Variants in LRRC52 observed in about 807,000 individuals in gnomAD.
LRRC52 encodes the protein leucine rich repeat containing 52.
A neutral mutation model predicts 14.7 loss-of-function variants in LRRC52; 15 were observed. That is an observed-to-expected ratio of 1.02 (90% CI 0.68 to 1.58). The LOEUF is 1.58. LRRC52 is among the 40% of genes most tolerant of loss of function. The pLI is 0.00. For missense variants in LRRC52, 400 were observed against 387.7 expected (o/e 1.03, Z -0.27); for synonymous variants, 180 against 163.9 (o/e 1.10, Z -0.75).
chr1:165,552,480 TAAG>T (rs1368115097), intron 1 of LRRC52, among the ~76,000 whole-genome samples: 1 of 152,142 alleles, frequency 6.6e-6, no homozygotes, highest in African/African-American at 2.4e-5. Context: ...CAATATATCC[TAAG>T]AAGTCTTGGG....
rs377227058 is a variant in LRRC52 at position 165,563,860 on chromosome 1, G to T, written c.*36G>T. On this transcript the variant is annotated 3_prime_UTR_variant, in exon 2 of 2. Transcript: ENST00000294818. ...CCACTATCTTATGTGCCTCCCCCAG[G>T]CTCCCTGCTTTCTCTCTTGCCCTCC... is the stretch of plus-strand genomic sequence containing the variant. 2.9e-4 allele frequency: 456 copies of T among 1,589,358 alleles called. No individual in the cohort carries two copies. Among genetic ancestry groups the T allele is most frequent in the Non-Finnish European group, 3.5e-4 (411 of 1,164,760 alleles).
intron 1 of LRRC52, among the ~76,000 whole-genome samples, chr1:165,550,613 C>A (rs285433): frequency 0.93 from 141,713 of 152,262 alleles, 66,253 homozygotes; most frequent in East Asian, 1. Context: ...ATCCTGACAT[C>A]CAAGTTCAAT....
In LRRC52 at chr1:165,544,214, GC is replaced by G; in HGVS notation, c.-79del. The G allele has an allele frequency of 4.9e-6, 2 of 404,272 alleles. 1 individual carries two copies. The highest frequency in any genetic ancestry group is 9.1e-6 in the Non-Finnish European group (2 of 219,430). 25.0% of individuals were successfully genotyped at this position (404,272 alleles called of 1,614,324 possible). A position where few individuals can be genotyped will look rare whatever the true frequency, so the allele number is the denominator to read the frequency against. ...CAGTTCTTTCCAGAGCCCCTCCCCC[GC>G]CCCACCCCCCCACCGGCAGCCTTCG... is the stretch of plus-strand genomic sequence containing the variant. On this transcript the variant is annotated 5_prime_UTR_variant, in exon 1 of 2. Transcript: ENST00000294818.
In LRRC52 at chr1:165,544,716, G is replaced by A. The variant is rs377558727; in HGVS notation, c.420G>A (p.Ser140=). The A allele has an allele frequency of 9.3e-6, 15 of 1,613,680 alleles. No homozygotes were observed. Among genetic ancestry groups the A allele is most frequent in the African/African-American group, 1.3e-5 (1 of 74,752 alleles). The change falls in exon 1 of 2, where the codon TCG becomes TCA. Residue 140 remains serine (S), a synonymous_variant. Coordinates refer to ENST00000294818, the MANE Select transcript of LRRC52 (RefSeq NM_001005214.4). ...TTGCCAACAACCCTCACCTGTTATCGCTTCACAAGTTCACCTTTGCCAACA... is the reference window on the plus strand; with the variant it reads ...TTGCCAACAACCCTCACCTGTTATCACTTCACAAGTTCACCTTTGCCAACA... ...LNIANNPHLL[S]LHKFTFANTT... is the part of the protein sequence containing the mutation.
chr1:165,561,610 G>T (rs1272817439), intron 1 of LRRC52, among the ~76,000 whole-genome samples: 1 of 152,210 alleles, frequency 6.6e-6, no homozygotes, highest in Non-Finnish European at 1.5e-5. Context: ...CTCTGGTGGG[G>T]CAGGTTTGCC....
rs574277215 is a variant in LRRC52 at position 165,562,207 on chromosome 1, A to G, written c.623-1298A>G. On this transcript the variant is annotated intron_variant, in intron 1 of 1. Coordinates refer to ENST00000294818, the MANE Select transcript of LRRC52 (RefSeq NM_001005214.4). ...GGATCTCCTGAATCTCAGTTTCCTT[A>G]TTTGTAAGACAAGGAAAATAATATT... Among the ~76,000 whole-genome samples, 6 of 152,308 alleles carry G rather than the reference A, an allele frequency of 3.9e-5. No homozygotes were observed. In the South Asian group the frequency reaches 6.2e-4, roughly 16 times the overall value.
intron 1 of LRRC52, among the ~76,000 whole-genome samples, chr1:165,554,207 C>T (rs918613830): frequency 6.6e-6 from 1 of 152,076 alleles, no homozygotes; most frequent in Non-Finnish European, 1.5e-5. Context: ...TGCTAGCTGT[C>T]GTTGTTGTTA....
At chr1:165,545,514 G>A (rs1661003041) in intron 1 of LRRC52, among the ~76,000 whole-genome samples, 2 of 152,272 alleles carry the variant, frequency 1.3e-5, no homozygotes, top group Middle Eastern at 6.8e-3. Context: ...TAGCTGCTTT[G>A]TTTTGAAGAT....
intron 1 of LRRC52, among the ~76,000 whole-genome samples, chr1:165,551,921 CA>C (rs1429312184): frequency 6.7e-6 from 1 of 149,956 alleles, no homozygotes; most frequent in East Asian, 2.0e-4. Flanking sequence ...ATTCCACTAT[CA>C]ATGCTTACCC....
In LRRC52 at chr1:165,544,213, C is replaced by CCCCCCCCCCCCCCACCCGCA; in HGVS notation, c.-84_-83insCCCCCCCCCCCCCACCCGCA. 1 of 1,159,444 alleles carries CCCCCCCCCCCCCCACCCGCA rather than the reference C, an allele frequency of 8.6e-7. No individual in the cohort carries two copies. Among genetic ancestry groups the CCCCCCCCCCCCCCACCCGCA allele is most frequent in the Non-Finnish European group, 1.2e-6 (1 of 836,796 alleles). 71.8% of individuals were successfully genotyped at this position (1,159,444 alleles called of 1,614,324 possible). A position where few individuals can be genotyped will look rare whatever the true frequency, so the allele number is the denominator to read the frequency against. ...ACAGTTCTTTCCAGAGCCCCTCCCC[C>CCCCCCCCCCCCCCACCCGCA]GCCCCACCCCCCCACCGGCAGCCTT... On this transcript the variant is annotated 5_prime_UTR_variant, in exon 1 of 2. Transcript: ENST00000294818.
intron 1 of LRRC52, among the ~76,000 whole-genome samples, chr1:165,547,454 T>A (rs1181618417): frequency 6.6e-6 from 1 of 152,168 alleles, no homozygotes; most frequent in African/African-American, 2.4e-5. Flanking sequence ...ATGCCTGTAC[T>A]TCCCTTGCAA....
At position 165,544,296 on chromosome 1, in the gene LRRC52, T is replaced by C. The variant is rs1660965896; in HGVS notation, c.-1T>C. ...AAGGAGGGTGGTTGTGGCTTCTTAC[T>C]ATGTCCCTTGCTTCAGGCCCTGGCC... is the stretch of plus-strand genomic sequence containing the variant. On this transcript the variant is annotated 5_prime_UTR_variant, in exon 1 of 2. Coordinates refer to ENST00000294818, the MANE Select transcript of LRRC52 (RefSeq NM_001005214.4). The C allele has an allele frequency of 6.6e-7, 1 of 1,522,842 alleles. No homozygotes were observed. The highest frequency in any genetic ancestry group is 8.9e-7 in the Non-Finnish European group (1 of 1,120,986). The allele number at this position is 1,522,842 out of a possible 1,614,324, so 94.3% of individuals were successfully genotyped here.
Position 165,563,692 on chromosome 1 carries a change from T to G in LRRC52, c.810T>G (p.Ala270=), listed in dbSNP as rs1396980170. The G allele has an allele frequency of 6.2e-7, 1 of 1,614,146 alleles. No homozygotes were observed. Among genetic ancestry groups the G allele is most frequent in the Non-Finnish European group, 8.5e-7 (1 of 1,180,026 alleles). ...TVAAWLTGVC[A]VLYQNTRHKS... is the part of the protein sequence containing the mutation. Reference sequence around the variant, plus strand: ...CTGCCTGGCTCACAGGTGTGTGTGCTGTGCTCTACCAGAACACCCGCCACA... The same window carrying G: ...CTGCCTGGCTCACAGGTGTGTGTGCGGTGCTCTACCAGAACACCCGCCACA... Residue 270 remains alanine, a synonymous_variant, in exon 2 of 2, where the codon GCT becomes GCG. Coordinates refer to ENST00000294818, the MANE Select transcript of LRRC52 (RefSeq NM_001005214.4).
intron 1 of LRRC52, among the ~76,000 whole-genome samples, chr1:165,548,495 G>C (rs1270088263): frequency 6.6e-6 from 1 of 152,144 alleles, no homozygotes; most frequent in Non-Finnish European, 1.5e-5. Context: ...GGACAAACGA[G>C]GCCAGCATGT....
At position 165,563,681 on chromosome 1, in the gene LRRC52, G is replaced by C. The variant is rs1271144580; in HGVS notation, c.799G>C (p.Gly267Arg). 2 of 1,614,178 alleles carry C rather than the reference G, an allele frequency of 1.2e-6. No individual in the cohort carries two copies. The highest frequency in any genetic ancestry group is 1.7e-6 in the Non-Finnish European group (2 of 1,180,012). ...GGGAACTGTGGCTGCCTGGCTCACA[G>C]GTGTGTGTGCTGTGCTCTACCAGAA... is the stretch of plus-strand genomic sequence containing the variant. ...AAGTVAAWLT[G>R]VCAVLYQNTR... is the part of the protein sequence containing the mutation. The change falls in exon 2 of 2, where the codon GGT (glycine) becomes CGT (arginine). Residue 267 changes from glycine (G) to arginine (R), a missense_variant. Gly to Arg is a moderately radical substitution (Grantham distance 125). Transcript: ENST00000294818.
At chr1:165,546,433 GATA>G (rs2101822969) in intron 1 of LRRC52, among the ~76,000 whole-genome samples, 1 of 152,342 alleles carries the variant, frequency 6.6e-6, no homozygotes, top group African/African-American at 2.4e-5. Flanking sequence ...AGGAGGCAGA[GATA>G]ATGTTTTCTA....
rs2101821608 is a variant in LRRC52 at position 165,544,789 on chromosome 1, C to A, written c.493C>A (p.Leu165Met). 1 of 1,614,120 alleles carries A rather than the reference C, an allele frequency of 6.2e-7. No individual in the cohort carries two copies. Among genetic ancestry groups the A allele is most frequent in the Admixed American group, 1.7e-5 (1 of 60,014 alleles). Residue 165 changes from leucine to methionine, a missense_variant, in exon 1 of 2, where the codon CTG (leucine) becomes ATG (methionine). Transcript: ENST00000294818. ...LDLRNTGLQT[L>M]DSAALYHLTT... ...CCTCAGAAATACCGGCTTGCAGACCCTGGACAGTGCTGCCTTATACCACCT... is the reference window on the plus strand; with the variant it reads ...CCTCAGAAATACCGGCTTGCAGACCATGGACAGTGCTGCCTTATACCACCT...
rs566449050 is a variant in LRRC52, at chr1:165,563,902, G to A, written c.*78G>A. The A allele has an allele frequency of 2.8e-6, 4 of 1,433,346 alleles. No individual in the cohort carries two copies. Among genetic ancestry groups the A allele is most frequent in the East Asian group, 4.6e-5 (2 of 43,950 alleles). The allele number at this position is 1,433,346 out of a possible 1,614,324, so 88.8% of individuals were successfully genotyped here. A position where few individuals can be genotyped will look rare whatever the true frequency, so the allele number is the denominator to read the frequency against. ...TTGCCCTCCCCATCCCACCACCTTG[G>A]AGCTGTCATAGAGATTGAAACCTTC... On this transcript the variant is annotated 3_prime_UTR_variant, in exon 2 of 2. Transcript: ENST00000294818.
At chr1:165,556,871 T>C (rs923296549) in intron 1 of LRRC52, among the ~76,000 whole-genome samples, 1 of 152,206 alleles carries the variant, frequency 6.6e-6, no homozygotes, top group African/African-American at 2.4e-5. Flanking sequence ...CAACCTAGGT[T>C]TCCTTCTAGG....
Sources: allele counts gnomAD v4.1 joint callset (sites outside exome capture counted in the v4.1 genomes callset), GRCh38; gene constraint gnomAD v4.1.1; transcripts MANE v1.5; gene names NCBI Gene and HGNC (gene_info 2026-07-23, HGNC 2026-07-21).